The following ZFHX3 variants were observed in gnomAD, a reference collection of about 807,000 sequenced individuals.
ZFHX3 encodes zinc finger homeobox protein 3.
A neutral mutation model predicts 279.1 loss-of-function variants in ZFHX3; 42 were observed. The ratio of observed to expected loss-of-function variants is 0.15; its 90% CI spans 0.12 to 0.19. The LOEUF (loss-of-function observed/expected upper bound fraction) is 0.19, where lower values mean the gene tolerates loss of function less well. Ranked by LOEUF, ZFHX3 falls within the 10% of genes least tolerant of loss-of-function variation. The pLI, the probability that ZFHX3 is intolerant of heterozygous loss-of-function variation, is 1.00. For missense variants in ZFHX3, 4,981 were observed against 4,754.0 expected, an observed-to-expected ratio of 1.05 and a Z score of -1.40; for synonymous variants, 2,293 against 1,957.8, an observed-to-expected ratio of 1.17 and a Z score of -4.52.
chr16:73,127,842 C>T (rs62052403), intron 7 of ZFHX3, among the ~76,000 whole-genome samples: 29,806 of 152,040 alleles, frequency 0.2, 3,873 homozygotes, highest in Middle Eastern at 0.32. Context: ...TTTATGCCCT[C>T]GGAAGGATTG....
intron 4 of ZFHX3, among the ~76,000 whole-genome samples, chr16:73,312,012 T>G (rs2015339848): frequency 6.6e-6 from 1 of 152,172 alleles, no homozygotes; most frequent in Non-Finnish European, 1.5e-5. Context: ...CATGCAGCAG[T>G]CCTCTGTGGG....
At chr16:73,579,109 T>C (rs2051830604) in intron 2 of ZFHX3, among the ~76,000 whole-genome samples, 1 of 152,218 alleles carries the variant, frequency 6.6e-6, no homozygotes, top group Non-Finnish European at 1.5e-5. Flanking sequence ...TGATAAAACC[T>C]TAGTCTCCAC....
chr16:72,887,042 A>G (rs904632831), intron 4 of ZFHX3, among the ~76,000 whole-genome samples: 4 of 152,254 alleles, frequency 2.6e-5, no homozygotes, highest in Non-Finnish European at 5.9e-5. Context: ...CCTTTCCTGA[A>G]CAAACAATTT....
At chr16:73,765,522 G>GCAA (rs2053923156) in intron 1 of ZFHX3, among the ~76,000 whole-genome samples, 1 of 152,194 alleles carries the variant, frequency 6.6e-6, no homozygotes, top group Admixed American at 6.5e-5. Flanking sequence ...AACTGTTCAT[G>GCAA]GCTCTTGGGC....
intron 2 of ZFHX3, among the ~76,000 whole-genome samples, chr16:73,637,664 A>G (rs1370817639): frequency 6.6e-6 from 1 of 152,236 alleles, no homozygotes; most frequent in East Asian, 1.9e-4. Context: ...TTACAATTAA[A>G]AACTAAAGGA....
chr16:73,154,814 A>G (rs1967033574), intron 5 of ZFHX3, among the ~76,000 whole-genome samples: 1 of 152,186 alleles, frequency 6.6e-6, no homozygotes. Flanking sequence ...GGCCATTAAA[A>G]AAATCAAAAG....
intron 1 of ZFHX3, among the ~76,000 whole-genome samples, chr16:73,761,942 G>C (rs11646164): frequency 6.6e-6 from 1 of 151,896 alleles, no homozygotes; most frequent in Non-Finnish European, 1.5e-5. Context: ...TCACGACAAA[G>C]ATGTCAAAAG....
At chr16:73,277,767 A>C (rs1424641194) in intron 4 of ZFHX3, among the ~76,000 whole-genome samples, 1 of 152,156 alleles carries the variant, frequency 6.6e-6, no homozygotes, top group Admixed American at 6.5e-5. Context: ...TAAAGAAAAG[A>C]GGTTTAGTTG....
chr16:73,792,106 TTAAA>T (rs1211328219), intron 1 of ZFHX3, among the ~76,000 whole-genome samples: 3 of 152,202 alleles, frequency 2.0e-5, no homozygotes, highest in Non-Finnish European at 1.5e-5. Flanking sequence ...CTTCATAAGA[TTAAA>T]TAACAACATA....
chr16:73,481,886 T>C (rs781179256), intron 2 of ZFHX3, among the ~76,000 whole-genome samples: 17 of 152,088 alleles, frequency 1.1e-4, no homozygotes, highest in Non-Finnish European at 1.9e-4. Context: ...TGCACGGTCA[T>C]GGGTTATGTC....
At chr16:73,384,754 C>T (rs1222251334) in intron 3 of ZFHX3, among the ~76,000 whole-genome samples, 3 of 152,220 alleles carry the variant, frequency 2.0e-5, no homozygotes, top group African/African-American at 7.2e-5. Flanking sequence ...ACAGACAGCT[C>T]AGTGGACATT....
At chr16:73,223,618 T>G (rs2012495620) in intron 5 of ZFHX3, among the ~76,000 whole-genome samples, 1 of 152,192 alleles carries the variant, frequency 6.6e-6, no homozygotes, top group South Asian at 2.1e-4. Context: ...TGTAAAATTG[T>G]GTAGCCTCTT....
At chr16:73,587,856 G>A (rs1260584013) in intron 2 of ZFHX3, among the ~76,000 whole-genome samples, 1 of 152,130 alleles carries the variant, frequency 6.6e-6, no homozygotes, top group East Asian at 1.9e-4. Context: ...TCAAAAAAAT[G>A]CAGAATTTTC....
At chr16:73,699,900 A>T (rs1456539650) in intron 1 of ZFHX3, among the ~76,000 whole-genome samples, 2 of 152,090 alleles carry the variant, frequency 1.3e-5, no homozygotes, top group African/African-American at 4.8e-5. Flanking sequence ...GATAACAAGG[A>T]TATTGTTACA....
chr16:72,921,069 CAAAAAAAAA>C (rs57294537), intron 3 of ZFHX3, among the ~76,000 whole-genome samples: 4 of 23,570 alleles, frequency 1.7e-4, no homozygotes, highest in Admixed American at 7.6e-4. Context: ...CAGACCTTGT[CAAAAAAAAA>C]AAAAAAAAAA....
intron 3 of ZFHX3, among the ~76,000 whole-genome samples, chr16:73,397,762 G>A (rs995914419): frequency 6.6e-6 from 1 of 151,156 alleles, no homozygotes; most frequent in Non-Finnish European, 1.5e-5. Context: ...TTGAGCAGGT[G>A]GGCAGTGGTG....
Position 72,787,031 on chromosome 16 carries a change from T to TTTTTTTTG in ZFHX3, c.*132_*133insCAAAAAAA. 1 of 1,071,008 alleles carries TTTTTTTTG rather than the reference T, an allele frequency of 9.3e-7. No individual in the cohort carries two copies. Among genetic ancestry groups the TTTTTTTTG allele is most frequent in the Non-Finnish European group, 1.2e-6 (1 of 828,076 alleles). The allele number at this position is 1,071,008 out of a possible 1,614,324, so 66.3% of individuals were successfully genotyped here. On this transcript the variant is annotated 3_prime_UTR_variant, in exon 10 of 10. Transcript: ENST00000268489. ...ATGGGAAAACAACCCACGCTTTTTC[T>TTTTTTTTG]TTTTTTTCTTTTTTTTTTTTTTTTT...
intron 3 of ZFHX3, among the ~76,000 whole-genome samples, chr16:73,416,718 C>CA (rs1231064195): frequency 6.6e-6 from 1 of 151,258 alleles, no homozygotes; most frequent in South Asian, 2.1e-4. Flanking sequence ...ACTAAAAATA[C>CA]AAAAAATTAG....
At chr16:73,803,135 A>C (rs1960185652) in intron 1 of ZFHX3, among the ~76,000 whole-genome samples, 1 of 152,218 alleles carries the variant, frequency 6.6e-6, no homozygotes, top group Non-Finnish European at 1.5e-5. Flanking sequence ...AGCTCCTATT[A>C]ACCAATAAGA....
Sources: allele counts gnomAD v4.1 joint callset (sites outside exome capture counted in the v4.1 genomes callset), GRCh38; gene constraint gnomAD v4.1.1; transcripts MANE v1.5; gene names NCBI Gene and HGNC (gene_info 2026-07-23, HGNC 2026-07-21).